The following REEP3 variants were observed in gnomAD, a reference collection of about 807,000 sequenced individuals.
REEP3 encodes the protein receptor expression-enhancing protein 3.
Under a neutral mutation model 41.3 loss-of-function variants are expected in REEP3, and 20 were observed. The ratio of observed to expected loss-of-function variants is 0.48; its 90% CI spans 0.34 to 0.70. REEP3 has a LOEUF of 0.70. Among genes scored for constraint, REEP3 ranks in the 30% least tolerant of loss-of-function variants. The probability of loss-of-function intolerance (pLI) is 0.01; values close to 1 mark genes in which losing one functional copy is unlikely to be tolerated. For missense variants in REEP3, 271 were observed against 308.8 expected, an observed-to-expected ratio of 0.88 and a Z score of 0.92; for synonymous variants, 104 against 101.8, an observed-to-expected ratio of 1.02 and a Z score of -0.13.
At position 63,524,185 on chromosome 10, in the gene REEP3, A is replaced by C. The variant is rs1955335374; in HGVS notation, c.32+2608A>C. On this transcript the variant is annotated intron_variant, in intron 1 of 7. Transcript: ENST00000373758. ...TCCTCTTTACTCAGTTTCTCTCTCT[A>C]AACATGAAAGAGCAATCACAGGATC... 5.3e-5 allele frequency among the ~76,000 whole-genome samples: 7 copies of C among 132,208 alleles called. No individual in the cohort carries two copies. In the South Asian group the frequency reaches 1.4e-3, roughly 27 times the overall value. 86.7% of individuals were successfully genotyped at this position (132,208 alleles called of 152,430 possible).
intron 1 of REEP3, among the ~76,000 whole-genome samples, chr10:63,530,800 G>A (rs1403187653): frequency 2.0e-5 from 3 of 152,090 alleles, no homozygotes. Flanking sequence ...GCATAAATGG[G>A]TATTTTAAAT....
intron 1 of REEP3, among the ~76,000 whole-genome samples, chr10:63,546,658 GA>G (rs1212570337): frequency 6.6e-6 from 1 of 152,156 alleles, no homozygotes; most frequent in Non-Finnish European, 1.5e-5. Context: ...TTGGGTCAAA[GA>G]TGGACACATA....
At chr10:63,598,873 C>T (rs1197178757) in intron 4 of REEP3, among the ~76,000 whole-genome samples, 2 of 151,730 alleles carry the variant, frequency 1.3e-5, no homozygotes, top group Non-Finnish European at 2.9e-5. Context: ...GGGAGGATTG[C>T]TTGAGCCCAG....
intron 5 of REEP3, among the ~76,000 whole-genome samples, chr10:63,603,054 C>G (rs938073974): frequency 6.6e-6 from 1 of 152,064 alleles, no homozygotes; most frequent in African/African-American, 2.4e-5. Flanking sequence ...TGGCTCACAC[C>G]TGTAATCCCA....
chr10:63,530,074 C>A (rs533794550), intron 1 of REEP3, among the ~76,000 whole-genome samples: 1 of 152,284 alleles, frequency 6.6e-6, no homozygotes, highest in African/African-American at 2.4e-5. Flanking sequence ...CCACTGCGCC[C>A]TGATGAATGT....
At chr10:63,568,327 C>A (rs958900940) in intron 2 of REEP3, among the ~76,000 whole-genome samples, 1 of 150,118 alleles carries the variant, frequency 6.7e-6, no homozygotes. Flanking sequence ...AGTGCACTGG[C>A]GCGATCTTGG....
In REEP3 at chr10:63,610,264, G is replaced by A; in HGVS notation, c.495G>A (p.Val165=). 6.3e-7 allele frequency: 1 copy of A among 1,593,952 alleles called. No homozygotes were observed. The highest frequency in any genetic ancestry group is 8.6e-7 in the Non-Finnish European group (1 of 1,168,898). ...DLTTIQGDEP[V]GQRPYQPLPE... is the part of the protein sequence containing the mutation. The stretch of plus-strand genomic sequence containing the variant: ...CAACTATCCAAGGTGATGAGCCTGT[G>A]GGACAAAGACCATACCAACCTCTAC... The change falls in exon 6 of 8, where the codon GTG becomes GTA. Residue 165 remains valine, a synonymous_variant. Transcript: ENST00000373758.
At chr10:63,539,707 G>C (rs1476807284) in intron 1 of REEP3, among the ~76,000 whole-genome samples, 1 of 152,132 alleles carries the variant, frequency 6.6e-6, no homozygotes, top group Non-Finnish European at 1.5e-5. Context: ...GAGACGCTTT[G>C]GGTTCTTCAT....
intron 1 of REEP3, among the ~76,000 whole-genome samples, chr10:63,559,782 A>G (rs904380255): frequency 1.3e-5 from 2 of 152,238 alleles, no homozygotes; most frequent in South Asian, 2.1e-4. Context: ...TGAAATGTCA[A>G]TAAATAATTG....
At chr10:63,613,209 A>G (rs1257415318) in intron 6 of REEP3, among the ~76,000 whole-genome samples, 1 of 152,010 alleles carries the variant, frequency 6.6e-6, no homozygotes, top group Non-Finnish European at 1.5e-5. Flanking sequence ...ACGGGGTTTC[A>G]CCATGTTGGT....
chr10:63,544,339 CAG>C (rs1168895910), intron 1 of REEP3, among the ~76,000 whole-genome samples: 19 of 152,226 alleles, frequency 1.2e-4, no homozygotes, highest in African/African-American at 3.9e-4. Context: ...TTGATATTAA[CAG>C]GGGGTGTAAG....
rs551308793 is a variant in REEP3, at chr10:63,618,361, C to G, written c.566-1294C>G. Among the ~76,000 whole-genome samples, 3 of 151,188 alleles carry G rather than the reference C, an allele frequency of 2.0e-5. No individual in the cohort carries two copies. The South Asian group carries it at 6.3e-4, about 32-fold the overall frequency. On this transcript the variant is annotated intron_variant, in intron 6 of 7. Coordinates refer to ENST00000373758, the MANE Select transcript of REEP3 (RefSeq NM_001001330.3). ...CCCGGATTCATGCCATTCTCCTGCC[C>G]CAGCTTCCCGAGTAGCTGGGACTAC...
intron 3 of REEP3, among the ~76,000 whole-genome samples, chr10:63,596,634 A>G (rs1459922393): frequency 6.6e-6 from 1 of 152,168 alleles, no homozygotes; most frequent in Non-Finnish European, 1.5e-5. Context: ...GCCTCTCATT[A>G]TATATTAGTG....
intron 1 of REEP3, among the ~76,000 whole-genome samples, chr10:63,547,498 T>C (rs747066022): frequency 2.2e-4 from 33 of 152,066 alleles, no homozygotes; most frequent in Non-Finnish European, 4.0e-4. Flanking sequence ...CCAAGAAACA[T>C]AGGAAAAGGT....
At chr10:63,580,849 C>CA (rs900594974) in intron 2 of REEP3, among the ~76,000 whole-genome samples, 5 of 151,574 alleles carry the variant, frequency 3.3e-5, no homozygotes, top group Non-Finnish European at 7.4e-5. Flanking sequence ...CCTACCTCTA[C>CA]AAAAAAAATA....
In REEP3 at chr10:63,603,787, T is replaced by C. The variant is rs190360232; in HGVS notation, c.417+4504T>C. The stretch of plus-strand genomic sequence containing the variant: ...TCACTAGCATATTCATTAAATATGC[T>C]GAACATAGCGTAATGTTAACCCTAT... On this transcript the variant is annotated intron_variant, in intron 5 of 7. Coordinates refer to ENST00000373758, the MANE Select transcript of REEP3 (RefSeq NM_001001330.3). 2.6e-5 allele frequency among the ~76,000 whole-genome samples: 4 copies of C among 152,352 alleles called. No individual in the cohort carries two copies. The East Asian group carries it at 7.7e-4, about 29-fold the overall frequency.
intron 1 of REEP3, among the ~76,000 whole-genome samples, chr10:63,561,032 T>G (rs1424320671): frequency 1.3e-5 from 2 of 152,210 alleles, no homozygotes; most frequent in African/African-American, 4.8e-5. Context: ...CCAAATGAAA[T>G]GATTATTGTT....
chr10:63,547,336 C>G (rs1027865960), intron 1 of REEP3, among the ~76,000 whole-genome samples: 11 of 152,136 alleles, frequency 7.2e-5, no homozygotes, highest in Non-Finnish European at 1.5e-4. Context: ...TTAAGCACTT[C>G]TCTTCATCAA....
intron 1 of REEP3, among the ~76,000 whole-genome samples, chr10:63,545,804 G>A (rs963070055): frequency 3.3e-5 from 5 of 150,472 alleles, no homozygotes; most frequent in African/African-American, 9.8e-5. Context: ...TCTTACAGGC[G>A]TAAGCCACTG....
Sources: allele counts gnomAD v4.1 joint callset (sites outside exome capture counted in the v4.1 genomes callset), GRCh38; gene constraint gnomAD v4.1.1; transcripts MANE v1.5; gene names NCBI Gene and HGNC (gene_info 2026-07-23, HGNC 2026-07-21).